ULK2: variants seen among roughly 807,000 people sequenced by gnomAD.
ULK2 encodes the protein serine/threonine-protein kinase ULK2.
A neutral mutation model predicts 127.5 loss-of-function variants in ULK2; 76 were observed. That is an observed-to-expected ratio of 0.60 (90% CI 0.50 to 0.72). The LOEUF is 0.72. Ranked by LOEUF, ULK2 falls within the 30% of genes least tolerant of loss-of-function variation. ULK2 has a pLI of 0.00. For missense variants in ULK2, 1,144 were observed against 1,295.9 expected (o/e 0.88, Z 1.80); for synonymous variants, 452 against 461.9 (o/e 0.98, Z 0.28).
chr17:19,835,979 C>T (rs1348481962), intron 10 of ULK2, among the ~76,000 whole-genome samples: 5 of 150,920 alleles, frequency 3.3e-5, no homozygotes, highest in Admixed American at 2.6e-4. Flanking sequence ...AAAAATTAGC[C>T]GACTGGGCCG....
At chr17:19,796,806 C>A (rs1254529743) in intron 18 of ULK2, among the ~76,000 whole-genome samples, 2 of 152,158 alleles carry the variant, frequency 1.3e-5, no homozygotes, top group African/African-American at 4.8e-5. Context: ...TGAGACCTGG[C>A]AGGAGTATAG....
At position 19,838,496 on chromosome 17, in the gene ULK2, C is replaced by G; in HGVS notation, c.787+5G>C. 1 of 1,604,380 alleles carries G rather than the reference C, an allele frequency of 6.2e-7. No homozygotes were observed. Among genetic ancestry groups the G allele is most frequent in the Non-Finnish European group, 8.5e-7 (1 of 1,176,168 alleles). On this transcript the variant is annotated splice_donor_5th_base_variant and intron_variant, in intron 10 of 26. Transcript: ENST00000395544. The stretch of plus-strand genomic sequence containing the variant: ...AAACATGCAAAAGTTAAAACTATTT[C>G]TTACCAAAGTCCATTCTATCTTTTT...
intron 8 of ULK2, among the ~76,000 whole-genome samples, chr17:19,842,385 T>C (rs987754474): frequency 1.3e-5 from 2 of 151,572 alleles, no homozygotes; most frequent in Non-Finnish European, 2.9e-5. Context: ...TTAGTAGAGA[T>C]GGGGTTTCTC....
intron 16 of ULK2, among the ~76,000 whole-genome samples, chr17:19,800,925 T>C (rs535021539): frequency 1.3e-4 from 20 of 152,318 alleles, no homozygotes; most frequent in African/African-American, 4.8e-4. Flanking sequence ...TCACTGAAGA[T>C]ATGGTACATG....
At chr17:19,790,196 C>A (rs1005898345) in intron 20 of ULK2, among the ~76,000 whole-genome samples, 2 of 152,142 alleles carry the variant, frequency 1.3e-5, no homozygotes, top group African/African-American at 2.4e-5. Context: ...ACAGGTGAAT[C>A]ACCTGAGGAC....
rs148964783 is a variant in ULK2 at position 19,843,861 on chromosome 17, T to C, written c.544-639A>G. 8.1e-3 allele frequency among the ~76,000 whole-genome samples: 1,230 copies of C among 152,064 alleles called. 24 individuals are homozygous for C. The highest frequency in any genetic ancestry group is 0.061 in the East Asian group (315 of 5,144). ...TTTTAGTAGAGACAAGGTTTCACCATGTTGGCCAGGCTGGTCTCGAACTCC... is the reference window on the plus strand; with the variant it reads ...TTTTAGTAGAGACAAGGTTTCACCACGTTGGCCAGGCTGGTCTCGAACTCC... On this transcript the variant is annotated intron_variant, in intron 7 of 26. Transcript: ENST00000395544.
At chr17:19,821,782 C>CA (rs1163647414) in intron 12 of ULK2, among the ~76,000 whole-genome samples, 1 of 151,972 alleles carries the variant, frequency 6.6e-6, no homozygotes, top group African/African-American at 2.4e-5. Context: ...TCTCTGTATC[C>CA]AGGCTGAAGT....
intron 14 of ULK2, among the ~76,000 whole-genome samples, chr17:19,808,356 A>G (rs748015581): frequency 6.6e-6 from 1 of 152,212 alleles, no homozygotes; most frequent in Non-Finnish European, 1.5e-5. Context: ...AAAGCTTAAT[A>G]TGACATAAGA....
chr17:19,779,874 CTA>C (rs767026078), intron 25 of ULK2, among the ~76,000 whole-genome samples: 8 of 151,964 alleles, frequency 5.3e-5, no homozygotes, highest in Non-Finnish European at 1.2e-4. Flanking sequence ...TAGATGCACA[CTA>C]TAAAAAGATT....
intron 20 of ULK2, among the ~76,000 whole-genome samples, chr17:19,788,248 G>A (rs2087077864): frequency 6.6e-6 from 1 of 151,976 alleles, no homozygotes; most frequent in South Asian, 2.1e-4. Flanking sequence ...CTAAGGGAGT[G>A]TTTGTGCCAC....
intron 10 of ULK2, among the ~76,000 whole-genome samples, chr17:19,831,360 G>C (rs1346814213): frequency 6.6e-6 from 1 of 151,954 alleles, no homozygotes; most frequent in Non-Finnish European, 1.5e-5. Flanking sequence ...GTGGGACACA[G>C]AGCCAAAGGA....
At chr17:19,845,919 G>A (rs1488618757) in intron 6 of ULK2, among the ~76,000 whole-genome samples, 1 of 151,956 alleles carries the variant, frequency 6.6e-6, no homozygotes, top group Non-Finnish European at 1.5e-5. Flanking sequence ...GACCAGCCTG[G>A]CCAACACGGT....
chr17:19,826,968 AAAAG>A (rs1426449137), intron 10 of ULK2, among the ~76,000 whole-genome samples: 4 of 151,978 alleles, frequency 2.6e-5, no homozygotes, highest in Non-Finnish European at 5.9e-5. Flanking sequence ...AAAAAAAAAA[AAAAG>A]AAACTACAAA....
chr17:19,820,823 T>C (rs966063923), intron 12 of ULK2, among the ~76,000 whole-genome samples: 1 of 152,116 alleles, frequency 6.6e-6, no homozygotes, highest in Non-Finnish European at 1.5e-5. Flanking sequence ...TAATCTAATT[T>C]TGATGTTCCC....
rs531165958 is a variant in ULK2, at chr17:19,856,926, G to A, written c.226-7152C>T. 1.6e-3 allele frequency among the ~76,000 whole-genome samples: 201 copies of A among 127,938 alleles called. 1 individual carries two copies. Among genetic ancestry groups the A allele is most frequent in the African/African-American group, 5.8e-3 (192 of 33,118 alleles). The allele number at this position is 127,938 out of a possible 152,430, so 83.9% of individuals were successfully genotyped here. ...CAGGAGGTGGAGCTTGCAGTGAGCC[G>A]AGATCGCACCACGGCACTCCAGCCT... On this transcript the variant is annotated intron_variant, in intron 3 of 26. Transcript: ENST00000395544.
At chr17:19,816,539 T>C in intron 13 of ULK2, 2 of 363,098 alleles carry the variant, frequency 5.5e-6, no homozygotes, top group Non-Finnish European at 9.6e-6. Context: ...AGTTTTCATG[T>C]ACCTTCAGAA....
In ULK2 at chr17:19,810,371, T is replaced by G. The variant is rs201673521; in HGVS notation, c.1157+7A>C. ...AAATTTTAATAAGATAATGTAAATATACATACCCTCCACACACCAAGAATT... is the reference window on the plus strand; with the variant it reads ...AAATTTTAATAAGATAATGTAAATAGACATACCCTCCACACACCAAGAATT... On this transcript the variant is annotated splice_region_variant and intron_variant, in intron 14 of 26. Transcript: ENST00000395544. 12 of 1,585,080 alleles carry G rather than the reference T, an allele frequency of 7.6e-6. No homozygotes were observed. The highest frequency in any genetic ancestry group is 1.0e-5 in the Non-Finnish European group (12 of 1,156,988).
At chr17:19,809,190 A>G (rs567764394) in intron 14 of ULK2, among the ~76,000 whole-genome samples, 8 of 152,240 alleles carry the variant, frequency 5.3e-5, no homozygotes, top group Non-Finnish European at 1.2e-4. Context: ...TAAATGCTAT[A>G]TGATTTCACT....
chr17:19,867,240 G>A lies in ULK2; in HGVS notation c.90+88C>T, dbSNP rs558390275. 1,538 of 1,074,556 alleles carry A rather than the reference G, an allele frequency of 1.4e-3. 17 individuals carry two copies. The African/African-American group carries it at 0.023, about 16-fold the overall frequency. 66.6% of individuals were successfully genotyped at this position (1,074,556 alleles called of 1,614,324 possible). On this transcript the variant is annotated intron_variant, in intron 1 of 26. Coordinates refer to ENST00000395544, the MANE Select transcript of ULK2 (RefSeq NM_014683.4). ...ACCCGGGCGGCTAGCCGAGTCGGGG[G>A]TCTCGGCTCGCGGCTGCGCCAAGTT...
Sources: gnomAD v4.1 joint callset for allele counts (sites outside exome capture counted in the v4.1 genomes callset) on GRCh38, gnomAD v4.1.1 for gene constraint, MANE v1.5 for transcripts, NCBI Gene and HGNC (gene_info 2026-07-23, HGNC 2026-07-21) for gene names.